TULP4: variants seen among roughly 807,000 people sequenced by gnomAD.
TULP4 encodes the protein tubby-related protein 4.
A neutral mutation model predicts 129.0 loss-of-function variants in TULP4; 16 were observed. The ratio of observed to expected loss-of-function variants is 0.12; its 90% CI spans 0.08 to 0.19. TULP4 has a LOEUF of 0.19. Ranked by LOEUF, TULP4 falls within the 10% of genes least tolerant of loss-of-function variation. The pLI is 1.00. For missense variants in TULP4, 1,842 were observed against 2,059.1 expected, an observed-to-expected ratio of 0.89 and a Z score of 2.04; for synonymous variants, 998 against 854.0, an observed-to-expected ratio of 1.17 and a Z score of -2.94.
chr6:158,360,211 A>G (rs1191596613), intron 1 of TULP4, among the ~76,000 whole-genome samples: 1 of 152,174 alleles, frequency 6.6e-6, no homozygotes, highest in African/African-American at 2.4e-5. Context: ...TTGGCCAAGA[A>G]GCAGCACTTC....
At chr6:158,356,293 G>T (rs1780647474) in intron 1 of TULP4, among the ~76,000 whole-genome samples, 1 of 152,136 alleles carries the variant, frequency 6.6e-6, no homozygotes, top group Admixed American at 6.5e-5. Context: ...GCTTTAAGGG[G>T]AAGGGAGGGA....
intron 1 of TULP4, among the ~76,000 whole-genome samples, chr6:158,316,664 G>A (rs991929976): frequency 1.9e-4 from 29 of 151,788 alleles, no homozygotes; most frequent in Non-Finnish European, 4.3e-4. Flanking sequence ...GGCTTAAAAC[G>A]TTACCCATTT....
intron 1 of TULP4, among the ~76,000 whole-genome samples, chr6:158,264,180 C>T (rs901301477): frequency 2.6e-5 from 4 of 152,128 alleles, no homozygotes; most frequent in African/African-American, 9.7e-5. Context: ...GTTGGGCAGG[C>T]GCAGAGGAAG....
intron 1 of TULP4, among the ~76,000 whole-genome samples, chr6:158,245,852 T>C (rs996171953): frequency 3.3e-5 from 5 of 152,170 alleles, no homozygotes; most frequent in African/African-American, 9.7e-5. Flanking sequence ...ACAACTAGGC[T>C]TTGAAGGCTG....
intron 1 of TULP4, among the ~76,000 whole-genome samples, chr6:158,400,453 C>T (rs754899449): frequency 1.3e-5 from 2 of 152,090 alleles, no homozygotes; most frequent in Admixed American, 1.3e-4. Context: ...AGTAACATCT[C>T]AAGGTGTAGT....
intron 11 of TULP4, among the ~76,000 whole-genome samples, chr6:158,495,280 T>C (rs1780308042): frequency 6.6e-6 from 1 of 152,170 alleles, no homozygotes; most frequent in East Asian, 1.9e-4. Flanking sequence ...CTCAAACTCC[T>C]GAGCTCAAGC....
intron 1 of TULP4, among the ~76,000 whole-genome samples, chr6:158,239,367 A>ACCC (rs1562490298): frequency 3.7e-5 from 1 of 26,996 alleles, no homozygotes; most frequent in African/African-American, 1.2e-4. Context: ...GGGGGCTGAC[A>ACCC]CCCCCCACCT....
At chr6:158,319,482 C>T (rs935427394) in intron 1 of TULP4, among the ~76,000 whole-genome samples, 13 of 152,264 alleles carry the variant, frequency 8.5e-5, no homozygotes, top group African/African-American at 2.9e-4. Context: ...ACCGGCCATC[C>T]CTTAAGAACA....
chr6:158,497,982 C>G (rs1394805984), intron 11 of TULP4, among the ~76,000 whole-genome samples: 1 of 152,192 alleles, frequency 6.6e-6, no homozygotes, highest in African/African-American at 2.4e-5. Context: ...AATTCAGATT[C>G]ATTATATTTA....
chr6:158,415,621 A>G (rs1315521849), intron 2 of TULP4, among the ~76,000 whole-genome samples: 14 of 150,570 alleles, frequency 9.3e-5, no homozygotes, highest in Non-Finnish European at 1.8e-4. Context: ...CAGCCTCCCA[A>G]AGTGCTGGGA....
At chr6:158,242,989 A>G (rs951063030) in intron 1 of TULP4, among the ~76,000 whole-genome samples, 27 of 152,194 alleles carry the variant, frequency 1.8e-4, no homozygotes, top group African/African-American at 6.5e-4. Flanking sequence ...GGGTTTCACT[A>G]TGTTGGCTAG....
chr6:158,290,920 C>T lies in TULP4; in HGVS notation n.116+8542C>T, dbSNP rs559610429. Among the ~76,000 whole-genome samples, 7 of 152,302 alleles carry T rather than the reference C, an allele frequency of 4.6e-5. No homozygotes were observed. The East Asian group carries it at 5.8e-4, about 13-fold the overall frequency. On this transcript the variant is annotated intron_variant and non_coding_transcript_variant, in intron 1 of 1. Transcript: ENST00000432358. Reference sequence around the variant, plus strand: ...AGCTCTGCTGCCTACCGGATAGTGTCGGGCAAGCATTTAACCTGCCTGTGC... The same window carrying T: ...AGCTCTGCTGCCTACCGGATAGTGTTGGGCAAGCATTTAACCTGCCTGTGC...
intron 1 of TULP4, chr6:158,237,841 G>C (rs900304774): frequency 1.3e-6 from 1 of 756,918 alleles, no homozygotes; most frequent in Non-Finnish European, 2.5e-6. Flanking sequence ...ACTAAGAGCT[G>C]TGCCTTTCTC....
At chr6:158,304,109 T>C (rs1356539195) in intron 1 of TULP4, among the ~76,000 whole-genome samples, 6 of 152,084 alleles carry the variant, frequency 3.9e-5, no homozygotes, top group Non-Finnish European at 5.9e-5. Context: ...ATTAATAATA[T>C]TAATAGCTGT....
At chr6:158,397,423 T>C (rs1444639577) in intron 1 of TULP4, among the ~76,000 whole-genome samples, 1 of 152,230 alleles carries the variant, frequency 6.6e-6, no homozygotes, top group Non-Finnish European at 1.5e-5. Flanking sequence ...TTCCTGGTAC[T>C]GCAGAAGAGG....
intron 1 of TULP4, among the ~76,000 whole-genome samples, chr6:158,396,385 T>C (rs1238390169): frequency 6.6e-6 from 1 of 152,188 alleles, no homozygotes; most frequent in Non-Finnish European, 1.5e-5. Context: ...TACACAGAGC[T>C]TAAACCGTGC....
intron 9 of TULP4, among the ~76,000 whole-genome samples, chr6:158,490,503 T>G (rs1780175380): frequency 6.6e-6 from 1 of 152,224 alleles, no homozygotes; most frequent in South Asian, 2.1e-4. Context: ...TAGTTTTAAT[T>G]CTGTGATTTT....
chr6:158,257,252 C>G (rs1389933510), intron 1 of TULP4, among the ~76,000 whole-genome samples: 1 of 152,118 alleles, frequency 6.6e-6, no homozygotes, highest in Non-Finnish European at 1.5e-5. Flanking sequence ...CCCACCCAGA[C>G]TCACCACTCA....
intron 1 of TULP4, among the ~76,000 whole-genome samples, chr6:158,335,646 T>C (rs544070357): frequency 5.3e-4 from 80 of 152,314 alleles, no homozygotes; most frequent in African/African-American, 1.8e-3. Flanking sequence ...ATGTGTGTGG[T>C]GTATATTTAT....
Sources: gnomAD v4.1 joint callset for allele counts (sites outside exome capture counted in the v4.1 genomes callset) on GRCh38, gnomAD v4.1.1 for gene constraint, MANE v1.5 for transcripts, NCBI Gene and HGNC (gene_info 2026-07-23, HGNC 2026-07-21) for gene names.